The following C17orf99 variants were observed in gnomAD, a reference collection of about 807,000 sequenced individuals.
C17orf99 encodes chromosome 17 open reading frame 99.
C17orf99 carries 18 observed loss-of-function variants against 22.6 expected under a neutral mutation model. That is an observed-to-expected ratio of 0.80 (90% CI 0.55 to 1.18). C17orf99 has a LOEUF of 1.18. Among genes scored for constraint, C17orf99 ranks in the 50% most tolerant of loss-of-function variants. The probability of loss-of-function intolerance (pLI) is 0.00; values close to 1 mark genes in which losing one functional copy is unlikely to be tolerated. For synonymous variants in C17orf99, 147 were observed against 136.6 expected, an observed-to-expected ratio of 1.08 and a Z score of -0.53; for missense variants, 328 against 342.7, an observed-to-expected ratio of 0.96 and a Z score of 0.34.
intron 2 of C17orf99, among the ~76,000 whole-genome samples, chr17:78,154,569 G>A (rs183597386): frequency 6.7e-6 from 1 of 150,206 alleles, no homozygotes; most frequent in Non-Finnish European, 1.5e-5. Flanking sequence ...TAGGTGGGGC[G>A]CAGTGGCTCA....
At chr17:78,160,841 C>G in intron 2 of C17orf99, 114 bp from the exon 3 acceptor site, 1 of 816,462 alleles carries the variant, frequency 1.2e-6, no homozygotes, top group East Asian at 2.7e-5. Context: ...CCTGGACCTC[C>G]CAAACACTGG....
chr17:78,162,844 G>A (rs1301097648), intron 3 of C17orf99, among the ~76,000 whole-genome samples: 2 of 152,188 alleles, frequency 1.3e-5, no homozygotes, highest in Non-Finnish European at 2.9e-5. Flanking sequence ...GAACTGCAGT[G>A]GCACGATCTC....
intron 2 of C17orf99, among the ~76,000 whole-genome samples, chr17:78,151,777 G>A (rs573478477): frequency 2.6e-5 from 4 of 152,298 alleles, no homozygotes; most frequent in Non-Finnish European, 2.9e-5. Flanking sequence ...GCAGGTCCTG[G>A]GAGTCACCAT....
intron 2 of C17orf99, chr17:78,157,916 C>A: frequency 1.7e-6 from 2 of 1,152,250 alleles, no homozygotes; most frequent in Non-Finnish European, 2.6e-6. Flanking sequence ...CAAGGTCCAC[C>A]TGGTTGGTAC....
chr17:78,164,913 T>G, intron 4 of C17orf99: 1 of 1,163,550 alleles, frequency 8.6e-7, no homozygotes, highest in East Asian at 6.7e-5. Flanking sequence ...AGGTGCCCTG[T>G]AACACAGTCT....
chr17:78,153,995 C>T (rs1234543553), intron 2 of C17orf99, among the ~76,000 whole-genome samples: 6 of 147,736 alleles, frequency 4.1e-5, no homozygotes, highest in Non-Finnish European at 7.4e-5. Context: ...GCACAATCTC[C>T]GCTCACTGCA....
Position 78,165,960 on chromosome 17 carries a change from A to G in C17orf99, c.712A>G (p.Ser238Gly). Residue 238 changes from serine (S) to glycine (G), a missense_variant, in exon 5 of 5, where the codon AGC becomes GGC. Transcript: ENST00000340363. ...SPILALPLYRSTRRLSEEEFG... is the reference protein window; with the variant it reads ...SPILALPLYRGTRRLSEEEFG... ...CATCCTTGCCTTGCCGCTCTACAGG[A>G]GCACCCGCCGTCTGAGTGAAGAGGA... The G allele has an allele frequency of 6.6e-7, 1 of 1,503,906 alleles. No individual in the cohort carries two copies. The highest frequency in any genetic ancestry group is 9.0e-7 in the Non-Finnish European group (1 of 1,117,134). The allele number at this position is 1,503,906 out of a possible 1,614,324, so 93.2% of individuals were successfully genotyped here.
intron 2 of C17orf99, among the ~76,000 whole-genome samples, chr17:78,147,483 A>G (rs553716677): frequency 1.3e-5 from 2 of 152,136 alleles, no homozygotes; most frequent in East Asian, 1.9e-4. Flanking sequence ...GGAGGAGGGG[A>G]CGCTGGGGAA....
Position 78,157,241 on chromosome 17 carries a change from G to T in C17orf99, c.71-3714G>T, listed in dbSNP as rs571755414. Reference sequence around the variant, plus strand: ...AGCACTTTGGGAGGCCGAGGCGGGCGCATCATGAGGTCTGGAGTTCAAGAG... The same window carrying T: ...AGCACTTTGGGAGGCCGAGGCGGGCTCATCATGAGGTCTGGAGTTCAAGAG... On this transcript the variant is annotated intron_variant, in intron 2 of 4. Transcript: ENST00000340363. Among the ~76,000 whole-genome samples the T allele has an allele frequency of 2.6e-3, 401 of 151,794 alleles. 1 individual carries two copies. The highest frequency in any genetic ancestry group is 4.4e-3 in the Non-Finnish European group (297 of 67,942).
At chr17:78,165,750 C>A (rs755900978) in intron 4 of C17orf99, 139 bp from the exon 5 acceptor site, 24 of 1,200,994 alleles carry the variant, frequency 2.0e-5, no homozygotes, top group Non-Finnish European at 2.5e-5. Flanking sequence ...TGCAGTGAGC[C>A]GAGATCGTGC....
At chr17:78,155,724 T>G (rs1432363676) in intron 2 of C17orf99, among the ~76,000 whole-genome samples, 2 of 152,084 alleles carry the variant, frequency 1.3e-5, no homozygotes, top group African/African-American at 2.4e-5. Flanking sequence ...TCTCCTGGGT[T>G]CAAGTGATTC....
intron 2 of C17orf99, among the ~76,000 whole-genome samples, chr17:78,150,370 C>T (rs1021783290): frequency 6.6e-6 from 1 of 152,152 alleles, no homozygotes; most frequent in Non-Finnish European, 1.5e-5. Context: ...TCTTGAACTC[C>T]TGGCCTCAAG....
chr17:78,164,149 C>A lies in C17orf99; in HGVS notation c.425C>A (p.Pro142His). ...NFTLQDRGAG[P>H]RVEMICQASS... ...ACTCTGCAGGACAGAGGGGCAGGCC[C>A]CAGGGTGGAGATGATCTGCCAGGCG... The change falls in exon 4 of 5, where the codon CCC becomes CAC. Residue 142 changes from proline to histidine, a missense_variant. Physicochemically the swap from Pro to His is moderately conservative, Grantham distance 77. Coordinates refer to ENST00000340363, the MANE Select transcript of C17orf99 (RefSeq NM_001163075.2). 1 of 1,551,634 alleles carries A rather than the reference C, an allele frequency of 6.4e-7. No homozygotes were observed.
intron 2 of C17orf99, among the ~76,000 whole-genome samples, chr17:78,151,084 C>G (rs1230639210): frequency 6.6e-6 from 1 of 151,522 alleles, no homozygotes; most frequent in East Asian, 1.9e-4. Flanking sequence ...GATGGCACCA[C>G]TGCACTGCAG....
At chr17:78,153,432 C>G (rs1053894359) in intron 2 of C17orf99, among the ~76,000 whole-genome samples, 9 of 152,014 alleles carry the variant, frequency 5.9e-5, no homozygotes, top group Non-Finnish European at 1.2e-4. Context: ...TTGCAGTGAA[C>G]CAAGATCGTG....
At position 78,154,843 on chromosome 17, in the gene C17orf99, A is replaced by AAAAT. The variant is rs113698154; in HGVS notation, c.71-6090_71-6087dup. 6.3e-3 allele frequency among the ~76,000 whole-genome samples: 965 copies of AAAAT among 152,092 alleles called. 13 individuals are homozygous for AAAAT. Among genetic ancestry groups the AAAAT allele is most frequent in the African/African-American group, 0.02 (830 of 41,468 alleles). On this transcript the variant is annotated intron_variant, in intron 2 of 4. Coordinates refer to ENST00000340363, the MANE Select transcript of C17orf99 (RefSeq NM_001163075.2). Reference sequence around the variant, plus strand: ...GGTAACAGAGTGAGACTCCATCTCAAAAATAAATAAATAAATAAATAAATA... The same window carrying AAAAT: ...GGTAACAGAGTGAGACTCCATCTCAAAAATAAATAAATAAATAAATAAATAAATA...
chr17:78,165,152 T>G, intron 4 of C17orf99: 5 of 1,010,806 alleles, frequency 4.9e-6, no homozygotes, highest in Non-Finnish European at 5.9e-6. Flanking sequence ...GCCTTTGTAG[T>G]GTCTGAGTGC....
chr17:78,165,411 T>C, intron 4 of C17orf99: 1 of 985,522 alleles, frequency 1.0e-6, no homozygotes, highest in Non-Finnish European at 1.2e-6. Flanking sequence ...CGAGCCTCAG[T>C]TTTTCCTTCT....
chr17:78,153,951 A>T (rs1397651414), intron 2 of C17orf99, among the ~76,000 whole-genome samples: 2 of 122,130 alleles, frequency 1.6e-5, no homozygotes, highest in East Asian at 4.9e-4. Flanking sequence ...TTTGAGACAC[A>T]GTCTCACTCT....
Sources: gnomAD v4.1 joint callset for allele counts (sites outside exome capture counted in the v4.1 genomes callset) on GRCh38, gnomAD v4.1.1 for gene constraint, MANE v1.5 for transcripts, NCBI Gene and HGNC (gene_info 2026-07-23, HGNC 2026-07-21) for gene names.